SLC25A25: variants seen among roughly 807,000 people sequenced by gnomAD.
SLC25A25 encodes the protein mitochondrial adenyl nucleotide antiporter SLC25A25.
Under a neutral mutation model 57.7 loss-of-function variants are expected in SLC25A25, and 32 were observed. The ratio of observed to expected loss-of-function variants is 0.55; its 90% CI spans 0.42 to 0.74. The LOEUF is 0.74. SLC25A25 is among the 30% of genes least tolerant of loss of function. The probability of loss-of-function intolerance (pLI) is 0.00; values close to 1 mark genes in which losing one functional copy is unlikely to be tolerated. For missense variants in SLC25A25, 556 were observed against 701.3 expected, an observed-to-expected ratio of 0.79 and a Z score of 2.34; for synonymous variants, 306 against 291.2, an observed-to-expected ratio of 1.05 and a Z score of -0.52.
intron 1 of SLC25A25, among the ~76,000 whole-genome samples, chr9:128,069,033 A>G (rs1053909683): frequency 5.9e-5 from 9 of 152,112 alleles, no homozygotes; most frequent in Non-Finnish European, 1.2e-4. Context: ...TGGGAGTTGA[A>G]AAAAAAATTG....
intron 7 of SLC25A25, 82 bp from the exon 8 acceptor site, chr9:128,106,068 C>T (rs534439298): frequency 2.2e-5 from 34 of 1,575,450 alleles, no homozygotes; most frequent in African/African-American, 1.5e-4. Context: ...TAAAATGTGC[C>T]GGGGACTCCT....
chr9:128,076,133 T>G (rs1014741427), intron 1 of SLC25A25, among the ~76,000 whole-genome samples: 2 of 152,076 alleles, frequency 1.3e-5, no homozygotes, highest in African/African-American at 4.8e-5. Context: ...CAACTTTTTA[T>G]TATTTATTTA....
intron 1 of SLC25A25, among the ~76,000 whole-genome samples, chr9:128,084,149 A>C (rs1833222655): frequency 6.6e-6 from 1 of 152,148 alleles, no homozygotes; most frequent in Non-Finnish European, 1.5e-5. Flanking sequence ...AGGGCATTCC[A>C]AGTAAACGCG....
chr9:128,104,200 C>T (rs980287366), intron 6 of SLC25A25, among the ~76,000 whole-genome samples: 4 of 152,206 alleles, frequency 2.6e-5, no homozygotes, highest in Admixed American at 6.5e-5. Flanking sequence ...TGGGAAGCCA[C>T]GCCATTACCT....
chr9:128,107,651 C>T lies in SLC25A25; in HGVS notation c.*207C>T, dbSNP rs114790720. 2,550 of 492,724 alleles carry T rather than the reference C, an allele frequency of 5.2e-3. 62 individuals are homozygous for T. The highest frequency in any genetic ancestry group is 0.043 in the African/African-American group (2,243 of 51,744). 30.5% of individuals were successfully genotyped at this position (492,724 alleles called of 1,614,324 possible). ...CAGCAGACCCTCCTGTTGGTTCCAG[C>T]GAAGACCACAGGCATTCCTTAGGGT... On this transcript the variant is annotated 3_prime_UTR_variant, in exon 11 of 11. Transcript: ENST00000373069.
rs754874456 is a variant in SLC25A25, at chr9:128,068,395, G to C, written c.76G>C (p.Ala26Pro). Residue 26 changes from alanine (A) to proline (P), a missense_variant, in exon 1 of 11, where the codon GCC becomes CCC. Physicochemically the swap from Ala to Pro is conservative, Grantham distance 27. Coordinates refer to ENST00000373069, the MANE Select transcript of SLC25A25 (RefSeq NM_001330988.2). ...DAAATAASSS[A>P]SSPASVGDPC... The stretch of plus-strand genomic sequence containing the variant: ...CGCCGCCACCGCCGCCTCTTCGTCT[G>C]CCTCATCGCCGGCGTCCGTGGGGGA... 1.3e-6 allele frequency: 2 copies of C among 1,557,202 alleles called. No individual in the cohort carries two copies. The highest frequency in any genetic ancestry group is 2.5e-5 in the East Asian group (1 of 40,076).
Position 128,099,347 on chromosome 9 carries a change from A to C in SLC25A25, c.262-1749A>C. On this transcript the variant is annotated intron_variant, in intron 1 of 10. Coordinates refer to ENST00000373069, the MANE Select transcript of SLC25A25 (RefSeq NM_001330988.2). The surrounding 1 kb of genome is among the most constrained non-coding windows in gnomAD (Gnocchi z 6.8). The stretch of plus-strand genomic sequence containing the variant: ...GAAGGAGGCCCAGGCCCTGTGAGGC[A>C]GAAGCAAGCACTTTGAGAATGCGTT... The C allele has an allele frequency of 8.0e-7, 1 of 1,254,262 alleles. No homozygotes were observed. The highest frequency in any genetic ancestry group is 1.0e-6 in the Non-Finnish European group (1 of 973,744). The allele number at this position is 1,254,262 out of a possible 1,614,324, so 77.7% of individuals were successfully genotyped here.
At chr9:128,087,963 T>C (rs1833314654) in intron 1 of SLC25A25, among the ~76,000 whole-genome samples, 1 of 152,250 alleles carries the variant, frequency 6.6e-6, no homozygotes, top group Non-Finnish European at 1.5e-5. Context: ...ATTTTGAATG[T>C]CCCTGTGTAC....
chr9:128,092,069 C>G (rs768146873), intron 1 of SLC25A25: 1 of 1,613,860 alleles, frequency 6.2e-7, no homozygotes, highest in South Asian at 1.1e-5. Context: ...GGTGGTTGGA[C>G]CTGCAGAGCA....
chr9:128,092,087 A>G (rs1254266868), intron 1 of SLC25A25: 11 of 1,613,212 alleles, frequency 6.8e-6, no homozygotes, highest in Non-Finnish European at 9.3e-6. Flanking sequence ...GCAGTTTCCT[A>G]AGGTAATGTT....
rs1354502101 is a variant in SLC25A25, at chr9:128,099,008, G to A, written c.262-2088G>A. The A allele has an allele frequency of 2.0e-6, 2 of 985,320 alleles. No individual in the cohort carries two copies. The highest frequency in any genetic ancestry group is 6.2e-5 in the Admixed American group (1 of 16,258). The allele number at this position is 985,320 out of a possible 1,614,324, so 61.0% of individuals were successfully genotyped here. ...GCTGGAATGAGGGGGGTGTTCCTGAGAAGTACAGAGCCAGAAAGGGACCTG... is the reference window on the plus strand; with the variant it reads ...GCTGGAATGAGGGGGGTGTTCCTGAAAAGTACAGAGCCAGAAAGGGACCTG... On this transcript the variant is annotated intron_variant, in intron 1 of 10. Transcript: ENST00000373069. The surrounding 1 kb of genome is among the most constrained non-coding windows in gnomAD (Gnocchi z 6.8).
intron 1 of SLC25A25, among the ~76,000 whole-genome samples, chr9:128,080,723 C>G (rs1045301365): frequency 6.6e-6 from 1 of 152,138 alleles, no homozygotes; most frequent in Non-Finnish European, 1.5e-5. Context: ...CCACCCCCAG[C>G]CATTGTTGGC....
At chr9:128,090,285 T>C (rs1485562726) in intron 1 of SLC25A25, among the ~76,000 whole-genome samples, 4 of 152,152 alleles carry the variant, frequency 2.6e-5, no homozygotes. Flanking sequence ...CAATCTTGGC[T>C]CACTGCAACC....
intron 1 of SLC25A25, among the ~76,000 whole-genome samples, chr9:128,077,856 G>A (rs1266955009): frequency 6.6e-6 from 1 of 151,752 alleles, no homozygotes; most frequent in East Asian, 1.9e-4. Context: ...AGAAACCCCA[G>A]CTCTACTAAA....
At chr9:128,082,260 C>A (rs1299751470) in intron 1 of SLC25A25, among the ~76,000 whole-genome samples, 1 of 152,142 alleles carries the variant, frequency 6.6e-6, no homozygotes, top group African/African-American at 2.4e-5. Context: ...GGAAATAGAT[C>A]ATGGATTTCC....
intron 1 of SLC25A25, among the ~76,000 whole-genome samples, chr9:128,070,950 C>CA (rs531221205): frequency 0.011 from 648 of 57,276 alleles, 4 homozygotes; most frequent in East Asian, 0.029. Context: ...AACTCCATCT[C>CA]AAAAAAAAAA....
chr9:128,070,973 A>G (rs1832896284), intron 1 of SLC25A25, among the ~76,000 whole-genome samples: 1 of 151,344 alleles, frequency 6.6e-6, no homozygotes, highest in East Asian at 1.9e-4. Flanking sequence ...AAAAAAAAAA[A>G]GAAAGAAAGA....
rs1032303607 is a variant in SLC25A25, at chr9:128,095,242, C to T, written c.262-5854C>T. ...CACCTACTGTCTGGCTTACCGGCAT[C>T]CTTTGGGAACTGAATACTAAAATCT... On this transcript the variant is annotated intron_variant, in intron 1 of 10. Transcript: ENST00000373069. This position sits in a 1 kb window ranked among gnomAD's most constrained non-coding sequence, Gnocchi z 4.4. Among the ~76,000 whole-genome samples the T allele has an allele frequency of 2.0e-5, 3 of 152,228 alleles. No homozygotes were observed. The highest frequency in any genetic ancestry group is 7.2e-5 in the African/African-American group (3 of 41,458).
At chr9:128,098,744 CGGAA>C in intron 1 of SLC25A25, 5 of 1,612,172 alleles carry the variant, frequency 3.1e-6, no homozygotes, top group Admixed American at 1.7e-5. Context: ...GGTGACCGCG[CGGAA>C]GGGAGAGGCG....
Sources: allele counts gnomAD v4.1 joint callset (sites outside exome capture counted in the v4.1 genomes callset), GRCh38; gene constraint gnomAD v4.1.1; non-coding constraint Gnocchi (gnomAD v3.1); transcripts MANE v1.5; gene names NCBI Gene and HGNC (gene_info 2026-07-23, HGNC 2026-07-21).